COL6A5: variants seen among roughly 807,000 people sequenced by gnomAD.
COL6A5 encodes collagen type VI alpha 5 chain.
Under a neutral mutation model 65.6 loss-of-function variants are expected in COL6A5, and 48 were observed. The observed-to-expected ratio is 0.73, with a 90% CI of 0.58 to 0.93. The LOEUF (loss-of-function observed/expected upper bound fraction) is 0.93, where lower values mean the gene tolerates loss of function less well. Among genes scored for constraint, COL6A5 ranks in the 40% least tolerant of loss-of-function variants. The pLI is 0.00. For synonymous variants in COL6A5, 291 were observed against 322.8 expected, an observed-to-expected ratio of 0.90 and a Z score of 1.05; for missense variants, 914 against 928.3, an observed-to-expected ratio of 0.98 and a Z score of 0.20.
At chr3:130,466,681 T>A (rs1247598624) in intron 5 of COL6A5, among the ~76,000 whole-genome samples, 1 of 151,954 alleles carries the variant, frequency 6.6e-6, no homozygotes, top group Non-Finnish European at 1.5e-5. Flanking sequence ...CCAAAAGTTG[T>A]TTCTTTGAGA....
Position 130,401,754 on chromosome 3 carries a change from T to TC in COL6A5, c.4135-3dup. The TC allele has an allele frequency of 1.3e-6, 2 of 1,548,092 alleles. No homozygotes were observed. The highest frequency in any genetic ancestry group is 2.4e-5 in the East Asian group (1 of 40,916). On this transcript the variant is annotated splice_region_variant and splice_polypyrimidine_tract_variant and intron_variant and NMD_transcript_variant, in intron 11 of 41. Transcript: ENST00000312481. ...GCTATTCCCTCAGCTTTACTTTTTT[T>TC]CCCCCAGGGAAATATTGCAGAGAGG...
Position 130,388,010 on chromosome 3 carries a change from A to C in COL6A5, c.1862-570A>C, listed in dbSNP as rs140989928. On this transcript the variant is annotated intron_variant and NMD_transcript_variant, in intron 5 of 41. Transcript: ENST00000312481. ...TGTCTACAAATATTATGTATAAAGG[A>C]ACAGTCCATGTTGAATGAGTATATG... 8.5e-5 allele frequency among the ~76,000 whole-genome samples: 13 copies of C among 152,048 alleles called. No individual in the cohort carries two copies. The East Asian group carries it at 2.5e-3, about 29-fold the overall frequency.
At chr3:130,373,612 A>T in exon 2 of COL6A5, 1 of 1,389,500 alleles carries the variant, frequency 7.2e-7, no homozygotes, top group Non-Finnish European at 9.9e-7. Context: ...CTTTTGCAGA[A>T]CAAAAGTAAA....
chr3:130,403,578 C>G, intron 12 of COL6A5, 31 bp from the exon 13 acceptor site: 1 of 1,539,340 alleles, frequency 6.5e-7, no homozygotes, highest in Non-Finnish European at 8.8e-7. Flanking sequence ...GGGGGGGTGA[C>G]TAAAATGTAT....
intron 24 of COL6A5, 55 bp downstream of exon 24, chr3:130,416,874 G>C: frequency 1.1e-6 from 1 of 921,134 alleles, no homozygotes; most frequent in East Asian, 2.7e-5. Context: ...ATATTTAATG[G>C]ATAATTAATA....
At position 130,376,838 on chromosome 3, in the gene COL6A5, T is replaced by C. The variant is rs1301992463; in HGVS notation, c.667+2T>C. ...GAGCCGTCGATGCTGATATGCAAGG[T>C]AAGGAAACCCTTGGTTGAAGAGGTG... is the stretch of plus-strand genomic sequence containing the variant. On this transcript the variant is annotated splice_donor_variant and NMD_transcript_variant, in intron 3 of 41. Transcript: ENST00000312481. 1.9e-6 allele frequency: 3 copies of C among 1,605,006 alleles called. No individual in the cohort carries two copies. In the East Asian group the frequency reaches 6.7e-5, roughly 36 times the overall value.
At chr3:130,405,884 A>G in intron 14 of COL6A5, 109 bp from the exon 15 acceptor site, 7 of 1,123,620 alleles carry the variant, frequency 6.2e-6, no homozygotes, top group Non-Finnish European at 9.2e-6. Context: ...TTGTAGATGT[A>G]TAGCCCGAAG....
chr3:130,455,375 T>C, intron 4 of COL6A5, 80 bp from the exon 37 acceptor site: 1 of 778,538 alleles, frequency 1.3e-6, no homozygotes, highest in East Asian at 2.7e-5. Flanking sequence ...GATAATTAAA[T>C]ATGTTAAATG....
upstream of COL6A5, chr3:130,431,224 T>C: frequency 1.5e-6 from 1 of 682,292 alleles, no homozygotes; most frequent in Non-Finnish European, 2.7e-6. Flanking sequence ...GACTGATTGA[T>C]AGTGGGCTGT....
intron 1 of COL6A5, among the ~76,000 whole-genome samples, chr3:130,364,400 G>C (rs1356123687): frequency 6.6e-6 from 1 of 152,154 alleles, no homozygotes; most frequent in Admixed American, 6.5e-5. Context: ...CCCCAAAGTA[G>C]AAGAAAACAT....
intron 29 of COL6A5, 81 bp from the exon 30 acceptor site, chr3:130,426,133 T>C: frequency 7.4e-7 from 1 of 1,343,330 alleles, no homozygotes; most frequent in Non-Finnish European, 1.0e-6. Flanking sequence ...AGAAAGTTTT[T>C]TGTTTTGTCT....
At chr3:130,445,286 G>A (rs767427278) in intron 4 of COL6A5, among the ~76,000 whole-genome samples, 2 of 152,184 alleles carry the variant, frequency 1.3e-5, no homozygotes, top group South Asian at 4.1e-4. Context: ...GATTCCCAAG[G>A]TCTGGGCAAA....
At chr3:130,388,800 A>G in exon 6 of COL6A5, 3 of 1,551,392 alleles carry the variant, frequency 1.9e-6, no homozygotes, top group Non-Finnish European at 2.6e-6. Flanking sequence ...TTTCTGATGC[A>G]ATAGATAGAA....
chr3:130,472,495 G>C (rs1709976196), intron 7 of COL6A5, among the ~76,000 whole-genome samples: 2 of 151,900 alleles, frequency 1.3e-5, no homozygotes, highest in Non-Finnish European at 2.9e-5. Flanking sequence ...GGAAGCTATT[G>C]GCTCTAGGGC....
At chr3:130,387,161 C>A (rs865959523) in intron 5 of COL6A5, among the ~76,000 whole-genome samples, 1 of 152,012 alleles carries the variant, frequency 6.6e-6, no homozygotes, top group African/African-American at 2.4e-5. Context: ...GAGCCTACCA[C>A]ACTCAACTGT....
chr3:130,413,787 G>C (rs1391053), intron 21 of COL6A5, among the ~76,000 whole-genome samples: 91,110 of 151,522 alleles, frequency 0.6, 30,320 homozygotes, highest in Non-Finnish European at 0.75. Flanking sequence ...ATAGATACCT[G>C]GCAGACAGGC....
At chr3:130,377,610 G>T (rs1280997249) in intron 3 of COL6A5, among the ~76,000 whole-genome samples, 1 of 152,198 alleles carries the variant, frequency 6.6e-6, no homozygotes, top group Non-Finnish European at 1.5e-5. Flanking sequence ...CATCTGCTGT[G>T]TTGTCCCATC....
chr3:130,451,117 CTG>C (rs1344796777), intron 4 of COL6A5, among the ~76,000 whole-genome samples: 1 of 152,120 alleles, frequency 6.6e-6, no homozygotes, highest in East Asian at 1.9e-4. Context: ...CTTCCTTAAA[CTG>C]TTTTAAAAAG....
chr3:130,436,196 T>G (rs1001355084), intron 1 of COL6A5, among the ~76,000 whole-genome samples: 1 of 151,734 alleles, frequency 6.6e-6, no homozygotes, highest in African/African-American at 2.4e-5. Context: ...ATGGATAGAG[T>G]TATTAGTTGC....
Sources: gnomAD v4.1 joint callset for allele counts (sites outside exome capture counted in the v4.1 genomes callset) on GRCh38, gnomAD v4.1.1 for gene constraint, MANE v1.5 for transcripts, NCBI Gene and HGNC (gene_info 2026-07-23, HGNC 2026-07-21) for gene names.